The following NPLOC4 variants were observed in gnomAD, a reference collection of about 807,000 sequenced individuals.
NPLOC4 encodes the protein NPL4 homolog, ubiquitin recognition factor.
In NPLOC4, 18 loss-of-function variants were observed where a neutral mutation model predicts 80.6. The observed-to-expected ratio is 0.22, with a 90% confidence interval of 0.15 to 0.33. NPLOC4 has a LOEUF of 0.33. Among genes scored for constraint, NPLOC4 ranks in the 10% least tolerant of loss-of-function variants. The pLI is 1.00. For missense variants in NPLOC4, 540 were observed against 786.1 expected (o/e 0.69, Z 3.74); for synonymous variants, 313 against 301.5 (o/e 1.04, Z -0.39).
At position 81,557,143 on chromosome 17, in the gene NPLOC4, G is replaced by A. The variant is rs2033664775; in HGVS notation, c.*2116C>T. On this transcript the variant is annotated 3_prime_UTR_variant, in exon 17 of 17. Coordinates refer to ENST00000331134, the MANE Select transcript of NPLOC4 (RefSeq NM_017921.4). ...GATTATGGTGCTGGTAGCATGAGAG[G>A]GTGTGTCCACACCAAGGGCAGGTGA... 1 of 152,220 alleles carries A rather than the reference G, an allele frequency of 6.6e-6. No homozygotes were observed. The highest frequency in any genetic ancestry group is 6.5e-5 in the Admixed American group (1 of 15,276). The allele number at this position is 152,220 out of a possible 1,614,324, so 9.4% of individuals were successfully genotyped here.
intron 4 of NPLOC4, 136 bp downstream of exon 4, chr17:81,613,182 C>A: frequency 1.1e-5 from 7 of 643,498 alleles, no homozygotes; most frequent in Non-Finnish European, 1.6e-5. Context: ...GAAGTTTAAT[C>A]TGAAGATAGT....
intron 6 of NPLOC4, among the ~76,000 whole-genome samples, chr17:81,607,718 T>C (rs1363439759): frequency 1.3e-5 from 2 of 152,172 alleles, no homozygotes; most frequent in African/African-American, 4.8e-5. Context: ...TTCACTACAA[T>C]CAATCTGCAC....
chr17:81,569,746 C>T (rs1054893613), intron 13 of NPLOC4, among the ~76,000 whole-genome samples: 9 of 152,324 alleles, frequency 5.9e-5, no homozygotes, highest in African/African-American at 2.2e-4. Context: ...ACCCAAAGGC[C>T]AGCTAAGTCC....
chr17:81,617,675 T>TCCCCCTCCCCCC (rs1182717789), intron 3 of NPLOC4, among the ~76,000 whole-genome samples: 1 of 94,254 alleles, frequency 1.1e-5, no homozygotes, highest in South Asian at 4.0e-4. Context: ...CCCCTCCCCC[T>TCCCCCTCCCCCC]CCGTCTCTTT....
In NPLOC4 at chr17:81,632,407, G is replaced by A. The variant is rs557783742; in HGVS notation, c.16-2602C>T. On this transcript the variant is annotated intron_variant, in intron 1 of 16. Transcript: ENST00000331134. Reference sequence around the variant, plus strand: ...GGCTCACTGCAACCTCTGCCTCCCCGGTTCAAGTGATTCTCCTGTCTCAGC... The same window carrying A: ...GGCTCACTGCAACCTCTGCCTCCCCAGTTCAAGTGATTCTCCTGTCTCAGC... 2.3e-3 allele frequency among the ~76,000 whole-genome samples: 346 copies of A among 150,630 alleles called. 5 individuals carry two copies. The highest frequency in any genetic ancestry group is 8.1e-3 in the African/African-American group (334 of 40,990).
At chr17:81,573,280 T>C (rs907164924) in intron 12 of NPLOC4, among the ~76,000 whole-genome samples, 20 of 152,166 alleles carry the variant, frequency 1.3e-4, no homozygotes, top group African/African-American at 4.6e-4. Flanking sequence ...CCCGAAATGA[T>C]TGCCAAGCAA....
At chr17:81,565,309 T>C (rs776608255) in intron 16 of NPLOC4, 196 bp downstream of exon 16, 9 of 703,400 alleles carry the variant, frequency 1.3e-5, no homozygotes, top group South Asian at 5.9e-5. Flanking sequence ...CTGGACAACA[T>C]GTCTGCTCCA....
chr17:81,600,564 G>A (rs1300690498), intron 8 of NPLOC4, 137 bp from the exon 9 acceptor site: 9 of 660,188 alleles, frequency 1.4e-5, no homozygotes, highest in Non-Finnish European at 2.2e-5. Flanking sequence ...TATAGCCACA[G>A]ATAAAACACA....
At chr17:81,570,040 C>T (rs1568120278) in intron 13 of NPLOC4, among the ~76,000 whole-genome samples, 1 of 152,212 alleles carries the variant, frequency 6.6e-6, no homozygotes, top group Non-Finnish European at 1.5e-5. Context: ...GAGTGTGGTT[C>T]TGGTCTGTTT....
intron 12 of NPLOC4, among the ~76,000 whole-genome samples, chr17:81,585,270 T>C (rs2034547510): frequency 6.6e-6 from 1 of 150,478 alleles, no homozygotes; most frequent in Admixed American, 6.6e-5. Flanking sequence ...CCATGATTCC[T>C]GGAGATGACC....
intron 7 of NPLOC4, among the ~76,000 whole-genome samples, chr17:81,604,998 C>T (rs1039073658): frequency 2.0e-5 from 3 of 151,988 alleles, no homozygotes; most frequent in Non-Finnish European, 2.9e-5. Flanking sequence ...CAGTGGCTCA[C>T]GCCTGTAATC....
At chr17:81,596,045 G>A (rs1424184849) in intron 11 of NPLOC4, 71 bp downstream of exon 11, 1 of 1,476,096 alleles carries the variant, frequency 6.8e-7, no homozygotes, top group African/African-American at 1.4e-5. Context: ...AGGATAAAAA[G>A]CTACCAAAAA....
intron 10 of NPLOC4, among the ~76,000 whole-genome samples, chr17:81,596,486 A>C (rs904534712): frequency 1.3e-5 from 2 of 152,136 alleles, no homozygotes; most frequent in Non-Finnish European, 2.9e-5. Flanking sequence ...TGCACACCTG[A>C]ACCCAGGAGG....
chr17:81,617,172 G>A (rs1303093446), intron 3 of NPLOC4, among the ~76,000 whole-genome samples: 47 of 152,222 alleles, frequency 3.1e-4, no homozygotes, highest in Non-Finnish European at 4.4e-4. Context: ...GCGGGCCAAT[G>A]TGGCAGCAGA....
At position 81,572,280 on chromosome 17, in the gene NPLOC4, C is replaced by T. The variant is rs1206054426; in HGVS notation, c.1282-192G>A. On this transcript the variant is annotated intron_variant, in intron 12 of 16. Coordinates refer to ENST00000331134, the MANE Select transcript of NPLOC4 (RefSeq NM_017921.4). The surrounding 1 kb of genome is among the most constrained non-coding windows in gnomAD (Gnocchi z 4.5). The stretch of plus-strand genomic sequence containing the variant: ...CTCCACTCACTGCAAGCTCCGCCTC[C>T]CAGGTTCACACCATTCTCCTGCCTC... Among the ~76,000 whole-genome samples the T allele has an allele frequency of 6.6e-6, 1 of 151,986 alleles. No individual in the cohort carries two copies. Among genetic ancestry groups the T allele is most frequent in the Non-Finnish European group, 1.5e-5 (1 of 68,014 alleles).
rs568185491 is a variant in NPLOC4 at position 81,577,857 on chromosome 17, C to T, written c.1282-5769G>A. 4.9e-4 allele frequency among the ~76,000 whole-genome samples: 75 copies of T among 152,348 alleles called. No individual in the cohort carries two copies. The highest frequency in any genetic ancestry group is 3.9e-3 in the South Asian group (19 of 4,824). ...AGCACACCATCCTTGTCCCCAAGGC[C>T]ACAGGGAACTGACATGTGGCCTGGA... On this transcript the variant is annotated intron_variant, in intron 12 of 16. Coordinates refer to ENST00000331134, the MANE Select transcript of NPLOC4 (RefSeq NM_017921.4). The surrounding 1 kb of genome is among the most constrained non-coding windows in gnomAD (Gnocchi z 4.3).
At chr17:81,631,984 C>G (rs1242860995) in intron 1 of NPLOC4, among the ~76,000 whole-genome samples, 1 of 151,076 alleles carries the variant, frequency 6.6e-6, no homozygotes, top group Non-Finnish European at 1.5e-5. Flanking sequence ...TTTTTTGAGA[C>G]AGTCTTTTTC....
chr17:81,621,525 TGTGA>T (rs2035667363), intron 3 of NPLOC4, among the ~76,000 whole-genome samples: 1 of 152,102 alleles, frequency 6.6e-6, no homozygotes, highest in Non-Finnish European at 1.5e-5. Flanking sequence ...CTAAGGCACA[TGTGA>T]GTAAGTGCCC....
chr17:81,568,602 G>C (rs1486050520), intron 14 of NPLOC4, among the ~76,000 whole-genome samples: 1 of 152,234 alleles, frequency 6.6e-6, no homozygotes, highest in Non-Finnish European at 1.5e-5. Context: ...CGGGAGCCAC[G>C]CTAAGCAGCA....
Sources: allele counts gnomAD v4.1 joint callset (sites outside exome capture counted in the v4.1 genomes callset), GRCh38; gene constraint gnomAD v4.1.1; non-coding constraint Gnocchi (gnomAD v3.1); transcripts MANE v1.5; gene names NCBI Gene and HGNC (gene_info 2026-07-23, HGNC 2026-07-21).